TPM4: variants seen among roughly 807,000 people sequenced by gnomAD.
TPM4 encodes tropomyosin 4.
In TPM4, 17 loss-of-function variants were observed where a neutral mutation model predicts 35.8. The ratio of observed to expected loss-of-function variants is 0.47; its 90% confidence interval spans 0.32 to 0.71. The LOEUF (loss-of-function observed/expected upper bound fraction) is 0.71, where lower values mean the gene tolerates loss of function less well. TPM4 is among the 30% of genes least tolerant of loss of function. The pLI is 0.03. For synonymous variants in TPM4, 120 were observed against 122.9 expected (o/e 0.98, Z 0.15); for missense variants, 240 against 320.9 (o/e 0.75, Z 1.93).
upstream of TPM4, chr19:16,075,421 G>C (rs888417732): frequency 1.3e-5 from 2 of 152,188 alleles, no homozygotes; most frequent in African/African-American, 4.8e-5. Context: ...CAAAGAAAGT[G>C]ATCCTGTAGG....
upstream of TPM4, among the ~76,000 whole-genome samples, chr19:16,073,958 A>AAAAAAAAAAC (rs1455511715): frequency 8.3e-6 from 1 of 120,268 alleles, no homozygotes; most frequent in African/African-American, 3.2e-5. Flanking sequence ...AAAAAAAAAA[A>AAAAAAAAAAC]AACGCAAAAA....
intron 1 of TPM4, chr19:16,081,243 T>C (rs967708613): frequency 5.1e-6 from 2 of 395,186 alleles, no homozygotes; most frequent in East Asian, 7.2e-5. Context: ...GGTAACACTG[T>C]GTGCCTTTTT....
upstream of TPM4, among the ~76,000 whole-genome samples, chr19:16,071,623 C>G (rs1459541697): frequency 6.6e-6 from 1 of 152,212 alleles, no homozygotes; most frequent in Non-Finnish European, 1.5e-5. Context: ...AATTCCGAAG[C>G]AGAAGCCAGC....
Position 16,102,971 on chromosome 19 carries a change from C to T in TPM4, c.*1625C>T, listed in dbSNP as rs532864227. On this transcript the variant is annotated 3_prime_UTR_variant, in exon 8 of 8. Coordinates refer to ENST00000643579, the MANE Select transcript of TPM4 (RefSeq NM_003290.3). ...ATATGTAATAGTATCACTTTTTCTA[C>T]ATTTTGGTCAAATAAATTTTTACAT... is the stretch of plus-strand genomic sequence containing the variant. 6.3e-4 allele frequency: 128 copies of T among 202,268 alleles called. No homozygotes were observed. Among genetic ancestry groups the T allele is most frequent in the Middle Eastern group, 1.7e-3 (1 of 588 alleles). The allele number at this position is 202,268 out of a possible 1,614,324, so 12.5% of individuals were successfully genotyped here. A position where few individuals can be genotyped will look rare whatever the true frequency, so the allele number is the denominator to read the frequency against.
Position 16,067,660 on chromosome 19 carries a change from G to C in TPM4, c.36G>C (p.Lys12Asn), listed in dbSNP as rs201430950. 7 of 1,613,736 alleles carry C rather than the reference G, an allele frequency of 4.3e-6. No individual in the cohort carries two copies. The East Asian group carries it at 8.9e-5, about 21-fold the overall frequency. Residue 12 changes from lysine (K) to asparagine (N), a missense_variant, in exon 2 of 3, where the codon AAG becomes AAC. By Grantham distance (94) the Lys-to-Asn change is moderately conservative (BLOSUM62 0). Coordinates refer to the TPM4 transcript ENST00000589897. The surrounding 1 kb of genome is among the most constrained non-coding windows in gnomAD (Gnocchi z 4.1). ...TCAAGAAGAAAATGCAGATGCTGAA[G>C]TTGGACAAGGAGAATGCCATCGACC... is the stretch of plus-strand genomic sequence containing the variant.
chr19:16,089,329 C>T lies in TPM4; in HGVS notation c.531+209C>T, dbSNP rs141046883. 3.0e-4 allele frequency among the ~76,000 whole-genome samples: 46 copies of T among 152,280 alleles called. No individual in the cohort carries two copies. In the East Asian group the frequency reaches 7.1e-3, roughly 24 times the overall value. On this transcript the variant is annotated intron_variant, in intron 5 of 7. Transcript: ENST00000643579. ...CTCTTCCATGGGGTCTGAGCACCATCTTTGATCTCCATCTCAGGAGGATAG... is the reference window on the plus strand; with the variant it reads ...CTCTTCCATGGGGTCTGAGCACCATTTTTGATCTCCATCTCAGGAGGATAG...
Position 16,076,685 on chromosome 19 carries a change from G to A in TPM4, c.120G>A (p.Glu40=). ...GLQRELDGER[E]RREKAEGDVA... Reference sequence around the variant, plus strand: ...AGCGGGAGCTGGACGGCGAGCGCGAGCGGCGCGAGAAAGTGAGCGCCCCGG... The same window carrying A: ...AGCGGGAGCTGGACGGCGAGCGCGAACGGCGCGAGAAAGTGAGCGCCCCGG... Residue 40 remains glutamate (E), a synonymous_variant, in exon 1 of 8, where the codon GAG becomes GAA. Coordinates refer to ENST00000643579, the MANE Select transcript of TPM4 (RefSeq NM_003290.3). The A allele has an allele frequency of 7.3e-7, 1 of 1,366,690 alleles. No homozygotes were observed. Among genetic ancestry groups the A allele is most frequent in the Non-Finnish European group, 9.4e-7 (1 of 1,061,080 alleles). The allele number at this position is 1,366,690 out of a possible 1,614,324, so 84.7% of individuals were successfully genotyped here. A position where few individuals can be genotyped will look rare whatever the true frequency, so the allele number is the denominator to read the frequency against.
At position 16,078,847 on chromosome 19, in the gene TPM4, A is replaced by AAAAC. The variant is rs1452324812; in HGVS notation, c.132+2152_132+2153insACAA. On this transcript the variant is annotated intron_variant, in intron 1 of 7. Coordinates refer to ENST00000643579, the MANE Select transcript of TPM4 (RefSeq NM_003290.3). The stretch of plus-strand genomic sequence containing the variant: ...GGGTGGGTTAAAAAAAAAAAAAAAA[A>AAAAC]AACCTTTCACTCTTGTAGAATAAGC... Among the ~76,000 whole-genome samples the AAAAC allele has an allele frequency of 9.2e-5, 14 of 151,626 alleles. 1 individual carries two copies. The highest frequency in any genetic ancestry group is 6.6e-4 in the Admixed American group (10 of 15,240).
chr19:16,091,503 G>A (rs923930603), intron 5 of TPM4, among the ~76,000 whole-genome samples: 1 of 152,176 alleles, frequency 6.6e-6, no homozygotes, highest in Admixed American at 6.5e-5. Context: ...GGTCCAGCAC[G>A]GTGGCTCATG....
chr19:16,084,525 T>C (rs1032444068), intron 2 of TPM4, among the ~76,000 whole-genome samples: 3 of 152,204 alleles, frequency 2.0e-5, no homozygotes, highest in Admixed American at 6.5e-5. Flanking sequence ...GGCTCCCATA[T>C]TGGCAAACCA....
Position 16,076,625 on chromosome 19 carries a change from G to A in TPM4, c.60G>A (p.Gln20=), listed in dbSNP as rs2144917796. 1 of 1,460,500 alleles carries A rather than the reference G, an allele frequency of 6.8e-7. No homozygotes were observed. Among genetic ancestry groups the A allele is most frequent in the Non-Finnish European group, 9.0e-7 (1 of 1,112,428 alleles). The allele number at this position is 1,460,500 out of a possible 1,614,324, so 90.5% of individuals were successfully genotyped here. ...GCAAGATCCAGGCCCTGCAGCAGCA[G>A]GCGGACGAGGCGGAAGACCGCGCGC... ...VKRKIQALQQ[Q]ADEAEDRAQG... is the part of the protein sequence containing the mutation. The change falls in exon 1 of 8, where the codon CAG becomes CAA. Residue 20 remains glutamine, a synonymous_variant. Transcript: ENST00000643579.
At chr19:16,098,399 G>A (rs928061098) in intron 7 of TPM4, among the ~76,000 whole-genome samples, 8 of 151,906 alleles carry the variant, frequency 5.3e-5, no homozygotes, top group Non-Finnish European at 1.5e-5. Context: ...GTGAGCCAAG[G>A]TCGAACCTTT....
chr19:16,072,520 A>G (rs1293034566), upstream of TPM4, among the ~76,000 whole-genome samples: 1 of 152,244 alleles, frequency 6.6e-6, no homozygotes, highest in Non-Finnish European at 1.5e-5. Flanking sequence ...TCAGACTAAC[A>G]AAGATTCAAA....
intron 5 of TPM4, among the ~76,000 whole-genome samples, chr19:16,090,443 A>G (rs1272411144): frequency 7.0e-6 from 1 of 141,960 alleles, no homozygotes; most frequent in Non-Finnish European, 1.5e-5. Flanking sequence ...TGGTAGAGAC[A>G]AGGTTTCATC....
chr19:16,069,965 C>T lies in TPM4; in HGVS notation c.114+2227C>T, dbSNP rs75040005. 7.9e-4 allele frequency among the ~76,000 whole-genome samples: 119 copies of T among 151,224 alleles called. 1 individual carries two copies. In the East Asian group the frequency reaches 0.014, roughly 17 times the overall value. The stretch of plus-strand genomic sequence containing the variant: ...ACAGAAGCCCGCTGTCTCATGGGCA[C>T]CTGCCCAGGAGAATGGCACGGCATG... On this transcript the variant is annotated intron_variant, in intron 2 of 2. Transcript: ENST00000589897.
upstream of TPM4, among the ~76,000 whole-genome samples, chr19:16,073,884 G>C (rs995668076): frequency 7.9e-6 from 1 of 126,976 alleles, no homozygotes; most frequent in Non-Finnish European, 1.6e-5. Context: ...CAAGGCTGCA[G>C]TAAGCTATGA....
At chr19:16,088,206 A>G in intron 4 of TPM4, 109 bp downstream of exon 4, 1 of 1,483,216 alleles carries the variant, frequency 6.7e-7, no homozygotes, top group Non-Finnish European at 9.2e-7. Context: ...GCTCAAGTGG[A>G]CGGGCGTCAG....
rs944188595 is a variant in TPM4 at position 16,076,865 on chromosome 19, C to G, written c.132+168C>G. 6 of 1,235,408 alleles carry G rather than the reference C, an allele frequency of 4.9e-6. No homozygotes were observed. The African/African-American group carries it at 7.9e-5, about 16-fold the overall frequency. 76.5% of individuals were successfully genotyped at this position (1,235,408 alleles called of 1,614,324 possible). On this transcript the variant is annotated intron_variant, in intron 1 of 7. Coordinates refer to ENST00000643579, the MANE Select transcript of TPM4 (RefSeq NM_003290.3). ...TCCCTGCGCCCGCAGCCAGGACCCC[C>G]TACTTCCTCCGCCGTCCTCCTTCCT...
In TPM4 at chr19:16,101,730, G is replaced by A. The variant is rs141332431; in HGVS notation, c.*384G>A. ...ATCTAGTCGTGGATATAATTAAAAC[G>A]CTGAAGACCATAACCTTTTGGGTCA... On this transcript the variant is annotated 3_prime_UTR_variant, in exon 8 of 8. Transcript: ENST00000643579. 324 of 242,752 alleles carry A rather than the reference G, an allele frequency of 1.3e-3. No homozygotes were observed. The highest frequency in any genetic ancestry group is 6.9e-3 in the African/African-American group (311 of 45,264). 15.0% of individuals were successfully genotyped at this position (242,752 alleles called of 1,614,324 possible). A position where few individuals can be genotyped will look rare whatever the true frequency, so the allele number is the denominator to read the frequency against.
Sources: allele counts gnomAD v4.1 joint callset (sites outside exome capture counted in the v4.1 genomes callset), GRCh38; gene constraint gnomAD v4.1.1; non-coding constraint Gnocchi (gnomAD v3.1); transcripts MANE v1.5; gene names NCBI Gene and HGNC (gene_info 2026-07-23, HGNC 2026-07-21).